Variants in PURG observed in about 807,000 individuals in gnomAD.
PURG encodes purine rich element binding protein G.
PURG carries 3 observed loss-of-function variants against 24.3 expected under a neutral mutation model. The ratio of observed to expected loss-of-function variants is 0.12; its 90% CI spans 0.06 to 0.32. The LOEUF is 0.32. Among genes scored for constraint, PURG ranks in the 10% least tolerant of loss-of-function variants. PURG has a pLI of 1.00. For synonymous variants in PURG, 180 were observed against 173.1 expected (o/e 1.04, Z -0.31); for missense variants, 371 against 439.1 (o/e 0.84, Z 1.39).
At chr8:31,011,569 A>T (rs1810764060) in intron 1 of PURG, among the ~76,000 whole-genome samples, 1 of 152,230 alleles carries the variant, frequency 6.6e-6, no homozygotes, top group African/African-American at 2.4e-5. Context: ...AATAATGCAT[A>T]GCATTTTATA....
chr8:31,019,328 T>C (rs1346574161), intron 1 of PURG, among the ~76,000 whole-genome samples: 2 of 42,904 alleles, frequency 4.7e-5, no homozygotes, highest in Non-Finnish European at 1.1e-4. Context: ...ACACCTCTAA[T>C]TTTTTTTTTT....
At chr8:31,012,865 T>C (rs1365323620) in intron 1 of PURG, among the ~76,000 whole-genome samples, 1 of 152,204 alleles carries the variant, frequency 6.6e-6, no homozygotes, top group Non-Finnish European at 1.5e-5. Context: ...ATTGAAATAG[T>C]AGTCCAAATA....
Position 31,003,269 on chromosome 8 carries a change from C to G in PURG, c.865-6572G>C, listed in dbSNP as rs146746541. 8.6e-3 allele frequency among the ~76,000 whole-genome samples: 1,311 copies of G among 152,070 alleles called. 16 individuals are homozygous for G. The highest frequency in any genetic ancestry group is 0.03 in the African/African-American group (1,242 of 41,488). ...AAAAGGAAAGCACGTGTATTTTAGT[C>G]GTAGGTGAAAGAAATAAGAAAAGCG... is the stretch of plus-strand genomic sequence containing the variant. On this transcript the variant is annotated intron_variant, in intron 1 of 1. Coordinates refer to the PURG transcript ENST00000339382.
intron 1 of PURG, among the ~76,000 whole-genome samples, chr8:31,006,411 T>C (rs1317381781): frequency 1.3e-5 from 2 of 152,150 alleles, no homozygotes; most frequent in Non-Finnish European, 2.9e-5. Context: ...ATGGCCAACA[T>C]GGTGAAACCC....
intron 1 of PURG, among the ~76,000 whole-genome samples, chr8:31,010,417 G>A (rs1810741230): frequency 6.6e-6 from 1 of 152,216 alleles, no homozygotes; most frequent in South Asian, 2.1e-4. Context: ...GCACCAATGA[G>A]TTGCTAGGCC....
rs1358660421 is a variant in PURG at position 31,032,250 on chromosome 8, C to G, written c.533G>C (p.Arg178Thr). The G allele has an allele frequency of 6.8e-6, 11 of 1,614,176 alleles. No homozygotes were observed. Among genetic ancestry groups the G allele is most frequent in the African/African-American group, 1.3e-5 (1 of 75,054 alleles). Residue 178 changes from arginine to threonine, a missense_variant, in exon 2 of 2, where the codon AGG becomes ACG. Physicochemically the swap from Arg to Thr is moderately conservative, Grantham distance 71. This residue lies in a region of PURG where 213 missense variants were observed against 230.6 expected (regional missense o/e 0.92). Coordinates refer to ENST00000523392, the MANE Select transcript of PURG (RefSeq NM_001323311.2). This position sits in a 1 kb window ranked among gnomAD's most constrained non-coding sequence, Gnocchi z 5.9. ...HSVLKTDYIERDNRKYYLDLK... is the reference protein window; with the variant it reads ...HSVLKTDYIETDNRKYYLDLK... ...GTCTAGGTAATATTTCCTATTGTCC[C>G]TCTCGATATAGTCTGTTTTCAGGAC...
intron 1 of PURG, among the ~76,000 whole-genome samples, chr8:30,999,870 T>C (rs919402699): frequency 1.3e-5 from 2 of 151,954 alleles, no homozygotes; most frequent in Non-Finnish European, 2.9e-5. Flanking sequence ...TACTATATAG[T>C]CAAAGCATTA....
rs1211496686 is a variant in PURG, at chr8:31,033,143, C to A, written c.-72G>T. The A allele has an allele frequency of 1.4e-5, 3 of 220,832 alleles. No homozygotes were observed. The highest frequency in any genetic ancestry group is 8.8e-6 in the Non-Finnish European group (1 of 114,096). The allele number at this position is 220,832 out of a possible 1,614,324, so 13.7% of individuals were successfully genotyped here. A position where few individuals can be genotyped will look rare whatever the true frequency, so the allele number is the denominator to read the frequency against. On this transcript the variant is annotated 5_prime_UTR_variant, in exon 1 of 2. Coordinates refer to ENST00000523392, the MANE Select transcript of PURG (RefSeq NM_001323311.2). ...ACCACCGCCGCCGCCACCGCCAGCT[C>A]TCGGCCCCTCTGCTGCAGCCGCCGC...
At chr8:31,007,428 C>A (rs1362911) in intron 1 of PURG, among the ~76,000 whole-genome samples, 33,168 of 151,956 alleles carry the variant, frequency 0.22, 7,165 homozygotes, top group African/African-American at 0.56. Context: ...CGCTAACATA[C>A]TCTTATAATA....
At chr8:31,010,492 C>T (rs1472488849) in intron 1 of PURG, among the ~76,000 whole-genome samples, 1 of 152,144 alleles carries the variant, frequency 6.6e-6, no homozygotes, top group African/African-American at 2.4e-5. Context: ...GTGATGAAAG[C>T]AACAAAATAC....
intron 1 of PURG, among the ~76,000 whole-genome samples, chr8:31,025,656 T>C (rs1040947218): frequency 6.6e-6 from 1 of 151,928 alleles, no homozygotes; most frequent in Non-Finnish European, 1.5e-5. Context: ...ATTTTTCAGA[T>C]AATTTTTTCT....
intron 1 of PURG, among the ~76,000 whole-genome samples, chr8:31,000,378 C>T (rs1420847212): frequency 6.6e-6 from 1 of 152,110 alleles, no homozygotes; most frequent in Non-Finnish European, 1.5e-5. Context: ...AATAATCATA[C>T]TGATATATAT....
chr8:31,022,362 T>C (rs779203704), intron 1 of PURG, among the ~76,000 whole-genome samples: 2 of 152,236 alleles, frequency 1.3e-5, no homozygotes, highest in Non-Finnish European at 2.9e-5. Context: ...GGAACTGACC[T>C]TTCAGTTCAT....
chr8:31,018,340 G>C (rs1158285878), intron 1 of PURG, among the ~76,000 whole-genome samples: 1 of 152,176 alleles, frequency 6.6e-6, no homozygotes, highest in Admixed American at 6.5e-5. Context: ...GAGTGGAGAA[G>C]AATCTGAGCC....
At chr8:31,012,143 C>T (rs1810775667) in intron 1 of PURG, among the ~76,000 whole-genome samples, 1 of 152,058 alleles carries the variant, frequency 6.6e-6, no homozygotes, top group Non-Finnish European at 1.5e-5. Context: ...GAGGGGAATA[C>T]AAAAGAGGAA....
At chr8:31,017,825 A>T (rs1810906320) in intron 1 of PURG, among the ~76,000 whole-genome samples, 1 of 152,198 alleles carries the variant, frequency 6.6e-6, no homozygotes, top group Admixed American at 6.5e-5. Flanking sequence ...GCAGTGCAAG[A>T]AAAAATGGAG....
At chr8:31,014,547 A>G (rs1022923474) in intron 1 of PURG, among the ~76,000 whole-genome samples, 2 of 152,252 alleles carry the variant, frequency 1.3e-5, no homozygotes, top group African/African-American at 4.8e-5. Flanking sequence ...GTTCATTTGC[A>G]GAAAAATACA....
chr8:31,024,995 A>G (rs1033901109), intron 1 of PURG, among the ~76,000 whole-genome samples: 4 of 152,082 alleles, frequency 2.6e-5, no homozygotes, highest in African/African-American at 9.6e-5. Flanking sequence ...AATCAGAAAT[A>G]AGTAAACAAT....
intron 1 of PURG, among the ~76,000 whole-genome samples, chr8:31,009,840 C>G (rs1051491054): frequency 2.0e-5 from 3 of 152,116 alleles, no homozygotes; most frequent in Admixed American, 1.3e-4. Context: ...CTGAAAAAGT[C>G]TGCTTCTAAC....
Sources: gnomAD v4.1 joint callset for allele counts (sites outside exome capture counted in the v4.1 genomes callset) on GRCh38, gnomAD v4.1.1 for gene constraint, gnomAD v4.1.1 regional missense constraint, Gnocchi (gnomAD v3.1) non-coding constraint, MANE v1.5 for transcripts, NCBI Gene and HGNC (gene_info 2026-07-23, HGNC 2026-07-21) for gene names.